The following SDK2 variants were observed in gnomAD, a reference collection of about 807,000 sequenced individuals.
SDK2 encodes protein sidekick-2.
A neutral mutation model predicts 253.9 loss-of-function variants in SDK2; 105 were observed. The ratio of observed to expected loss-of-function variants is 0.41; its 90% confidence interval spans 0.35 to 0.49. SDK2 has a LOEUF of 0.49. Among genes scored for constraint, SDK2 ranks in the 20% least tolerant of loss-of-function variants. The probability of loss-of-function intolerance (pLI) is 0.06; values close to 1 mark genes in which losing one functional copy is unlikely to be tolerated. For synonymous variants in SDK2, 1,249 were observed against 1,234.9 expected (o/e 1.01, Z -0.24); for missense variants, 2,608 against 3,003.0 (o/e 0.87, Z 3.07).
At position 73,581,993 on chromosome 17, in the gene SDK2, G is replaced by A. The variant is rs146564682; in HGVS notation, c.64+62032C>T. Among the ~76,000 whole-genome samples the A allele has an allele frequency of 2.3e-3, 357 of 152,316 alleles. 1 individual carries two copies. Among genetic ancestry groups the A allele is most frequent in the Non-Finnish European group, 4.2e-3 (284 of 68,032 alleles). ...TCCTGCATCTTTCTACCTCACCCAG[G>A]GTGAGACTTGGGACTGGGATGGGAT... On this transcript the variant is annotated intron_variant, in intron 1 of 44. Transcript: ENST00000392650.
chr17:73,381,064 G>A lies in SDK2; in HGVS notation c.4706-114C>T, dbSNP rs549483445. 1.1e-4 allele frequency: 77 copies of A among 677,624 alleles called. 2 individuals are homozygous for A. In the Middle Eastern group the frequency reaches 3.0e-3, roughly 27 times the overall value. The allele number at this position is 677,624 out of a possible 1,614,324, so 42.0% of individuals were successfully genotyped here. ...ACCCCGGCCAGGCGGGGCTGACGGC[G>A]TGAACAGACAGGAAGAGTGTTTCCA... On this transcript the variant is annotated intron_variant, in intron 33 of 44. Coordinates refer to ENST00000392650, the MANE Select transcript of SDK2 (RefSeq NM_001144952.2).
At chr17:73,545,127 A>ACACACACAC (rs1555601159) in intron 1 of SDK2, among the ~76,000 whole-genome samples, 2 of 151,168 alleles carry the variant, frequency 1.3e-5, no homozygotes, top group Non-Finnish European at 2.9e-5. Flanking sequence ...ACACACACAC[A>ACACACACAC]AAGTGGAGGC....
In SDK2 at chr17:73,350,370, T is replaced by G; in HGVS notation, c.5905A>C (p.Ser1969Arg). The G allele has an allele frequency of 1.2e-6, 2 of 1,613,542 alleles. No homozygotes were observed. The highest frequency in any genetic ancestry group is 1.7e-6 in the Non-Finnish European group (2 of 1,179,672). The change falls in exon 43 of 45, where the codon AGT becomes CGT. Residue 1969 changes from serine (S) to arginine (R), a missense_variant. By Grantham distance (110) the Ser-to-Arg change is moderately radical (BLOSUM62 -1). This residue lies in a region of SDK2 where 1,103 missense variants were observed against 1,143.9 expected (regional missense o/e 0.96). Transcript: ENST00000392650. Reference protein sequence around the residue: ...KYAKKTDSGNSAKSGALGHSE... With the variant: ...KYAKKTDSGNRAKSGALGHSE... ...TGGCCTAGGGCTCCAGACTTGGCAC[T>G]GTTCCCTGAAGTCGGCGGGAGATTG...
chr17:73,360,276 T>G (rs1320616878), intron 39 of SDK2, among the ~76,000 whole-genome samples: 1 of 152,224 alleles, frequency 6.6e-6, no homozygotes, highest in Non-Finnish European at 1.5e-5. Flanking sequence ...CTACAGGGCT[T>G]CTTTGCAGAA....
chr17:73,552,770 C>T (rs1027909623), intron 1 of SDK2, among the ~76,000 whole-genome samples: 2 of 152,192 alleles, frequency 1.3e-5, no homozygotes, highest in Non-Finnish European at 2.9e-5. Flanking sequence ...GCTTCCCAGA[C>T]GAAGTTCCCT....
chr17:73,633,498 C>T (rs2046293736), intron 1 of SDK2, among the ~76,000 whole-genome samples: 2 of 152,258 alleles, frequency 1.3e-5, no homozygotes, highest in Non-Finnish European at 1.5e-5. Flanking sequence ...GGCTAAAAGG[C>T]CTGGCCCAAA....
chr17:73,586,565 C>T (rs1214393445), intron 1 of SDK2, among the ~76,000 whole-genome samples: 3 of 150,732 alleles, frequency 2.0e-5, no homozygotes, highest in African/African-American at 2.5e-5. Flanking sequence ...GTGCACCCAG[C>T]CGTGAAATTT....
intron 39 of SDK2, among the ~76,000 whole-genome samples, chr17:73,358,726 C>A (rs1039548330): frequency 6.6e-6 from 1 of 152,072 alleles, no homozygotes; most frequent in South Asian, 2.1e-4. Context: ...ATGATGTCCG[C>A]CCTCCCTCAT....
chr17:73,491,541 ATTTTTATTTTTAG>A (rs2063806660), intron 2 of SDK2, among the ~76,000 whole-genome samples: 2 of 151,900 alleles, frequency 1.3e-5, no homozygotes, highest in African/African-American at 2.4e-5. Context: ...CCCAGCTAAC[ATTTTTATTTTTAG>A]TAGAGACGAG....
At chr17:73,577,685 G>A (rs2045475826) in intron 1 of SDK2, among the ~76,000 whole-genome samples, 1 of 152,156 alleles carries the variant, frequency 6.6e-6, no homozygotes, top group African/African-American at 2.4e-5. Flanking sequence ...CCTCCCTTAT[G>A]AGCTTGGTGA....
chr17:73,604,676 A>G (rs2045884774), intron 1 of SDK2, among the ~76,000 whole-genome samples: 7 of 152,156 alleles, frequency 4.6e-5, no homozygotes, highest in Admixed American at 4.6e-4. Context: ...AAAGGATAGC[A>G]TTAGGGTTTC....
intron 2 of SDK2, among the ~76,000 whole-genome samples, chr17:73,503,348 G>A (rs537439369): frequency 7.9e-5 from 12 of 152,296 alleles, no homozygotes; most frequent in Admixed American, 3.3e-4. Flanking sequence ...AAATTGTGTC[G>A]TGCATGGTTC....
chr17:73,502,151 A>G (rs1054004594), intron 2 of SDK2, among the ~76,000 whole-genome samples: 1 of 152,208 alleles, frequency 6.6e-6, no homozygotes, highest in Non-Finnish European at 1.5e-5. Context: ...ACCCAAGAAT[A>G]AAGACTTTCA....
intron 36 of SDK2, among the ~76,000 whole-genome samples, chr17:73,378,389 A>G (rs1211895157): frequency 1.3e-5 from 2 of 151,718 alleles, no homozygotes; most frequent in African/African-American, 4.8e-5. Context: ...GGTGTGAGCC[A>G]CCACACACAG....
Position 73,398,448 on chromosome 17 carries a change from T to G in SDK2, c.3094-19A>C, listed in dbSNP as rs767414270. On this transcript the variant is annotated intron_variant, in intron 22 of 44. Transcript: ENST00000392650. Reference sequence around the variant, plus strand: ...CGCCTACCTGGAAAAGGGCAGGATCTTAGGCCTGTCCAGCCTACAGGGCCC... The same window carrying G: ...CGCCTACCTGGAAAAGGGCAGGATCGTAGGCCTGTCCAGCCTACAGGGCCC... 2 of 1,604,064 alleles carry G rather than the reference T, an allele frequency of 1.2e-6. No homozygotes were observed. The highest frequency in any genetic ancestry group is 1.7e-6 in the Non-Finnish European group (2 of 1,171,640).
chr17:73,499,293 G>A (rs2063867326), intron 2 of SDK2, among the ~76,000 whole-genome samples: 1 of 152,262 alleles, frequency 6.6e-6, no homozygotes, highest in African/African-American at 2.4e-5. Context: ...GCCGTCACAT[G>A]TGCAGGGCTT....
chr17:73,574,241 T>A (rs1036226727), intron 1 of SDK2, among the ~76,000 whole-genome samples: 5 of 152,258 alleles, frequency 3.3e-5, no homozygotes, highest in African/African-American at 9.6e-5. Context: ...CCAATAAATA[T>A]TTATCACATG....
intron 1 of SDK2, among the ~76,000 whole-genome samples, chr17:73,591,323 C>T (rs2145899300): frequency 1.3e-5 from 2 of 152,292 alleles, no homozygotes; most frequent in East Asian, 3.9e-4. Context: ...TTTGCTGGCG[C>T]CGGGTCTCTT....
At position 73,607,283 on chromosome 17, in the gene SDK2, C is replaced by T. The variant is rs553637574; in HGVS notation, c.64+36742G>A. 1.8e-4 allele frequency among the ~76,000 whole-genome samples: 28 copies of T among 152,348 alleles called. No individual in the cohort carries two copies. In the East Asian group the frequency reaches 5.4e-3, roughly 29 times the overall value. On this transcript the variant is annotated intron_variant, in intron 1 of 44. Transcript: ENST00000392650. Reference sequence around the variant, plus strand: ...CCTAGCAGGCAGCTGTAGAAAAGCACAGCTGAGACGTCCACTCTGATCAAC... The same window carrying T: ...CCTAGCAGGCAGCTGTAGAAAAGCATAGCTGAGACGTCCACTCTGATCAAC...
Sources: allele counts gnomAD v4.1 joint callset (sites outside exome capture counted in the v4.1 genomes callset), GRCh38; gene constraint gnomAD v4.1.1; regional missense constraint gnomAD v4.1.1; transcripts MANE v1.5; gene names NCBI Gene and HGNC (gene_info 2026-07-23, HGNC 2026-07-21).